CRPPA: variants seen among roughly 807,000 people sequenced by gnomAD.
CRPPA encodes CDP-L-ribitol pyrophosphorylase A, also known as D-ribitol-5-phosphate cytidylyltransferase.
CRPPA carries 43 observed loss-of-function variants against 52.0 expected under a neutral mutation model. The ratio of observed to expected loss-of-function variants is 0.83; its 90% CI spans 0.65 to 1.07. The LOEUF (loss-of-function observed/expected upper bound fraction) is 1.07. Ranked by LOEUF, CRPPA falls within the 50% of genes least tolerant of loss-of-function variation. The pLI is 0.00. For missense variants in CRPPA, 629 were observed against 551.7 expected, an observed-to-expected ratio of 1.14 and a Z score of -1.40; for synonymous variants, 250 against 203.5, an observed-to-expected ratio of 1.23 and a Z score of -1.94.
intron 3 of CRPPA, among the ~76,000 whole-genome samples, chr7:16,325,797 G>A (rs982175497): frequency 6.6e-6 from 1 of 151,926 alleles, no homozygotes; most frequent in Non-Finnish European, 1.5e-5. Flanking sequence ...TGAAACAAAG[G>A]ATTTGATTTT....
chr7:16,336,769 G>C (rs1583529360), intron 3 of CRPPA, among the ~76,000 whole-genome samples: 1 of 151,896 alleles, frequency 6.6e-6, no homozygotes, highest in Non-Finnish European at 1.5e-5. Flanking sequence ...TAAGAACACA[G>C]ACCGAAAATG....
chr7:16,302,304 A>AC (rs1784806599), intron 4 of CRPPA, among the ~76,000 whole-genome samples: 1 of 150,176 alleles, frequency 6.7e-6, no homozygotes, highest in Non-Finnish European at 1.5e-5. Context: ...TCAAAAAAAA[A>AC]AAAAAAAAAA....
At chr7:16,399,451 T>A (rs564909032) in intron 2 of CRPPA, among the ~76,000 whole-genome samples, 1 of 152,020 alleles carries the variant, frequency 6.6e-6, no homozygotes, top group African/African-American at 2.4e-5. Context: ...ATGTCCAACA[T>A]GTGACTGATA....
intron 3 of CRPPA, among the ~76,000 whole-genome samples, chr7:16,312,350 C>A (rs1335585674): frequency 6.6e-6 from 1 of 151,832 alleles, no homozygotes; most frequent in Admixed American, 6.6e-5. Context: ...GATTTATGCC[C>A]AAGTATCATT....
At chr7:16,204,166 T>G (rs1056510802) in intron 9 of CRPPA, among the ~76,000 whole-genome samples, 1 of 152,190 alleles carries the variant, frequency 6.6e-6, no homozygotes, top group African/African-American at 2.4e-5. Context: ...TTTAAATTTT[T>G]AAATGAATTT....
At chr7:16,230,973 C>T (rs1782777568) in intron 8 of CRPPA, among the ~76,000 whole-genome samples, 1 of 152,122 alleles carries the variant, frequency 6.6e-6, no homozygotes, top group Non-Finnish European at 1.5e-5. Context: ...AGACTGAAGC[C>T]TGGGGCTCTG....
chr7:16,421,008 G>GCGGGGAGCGGGAGGC, intron 1 of CRPPA, 58 bp downstream of exon 1: 1 of 1,249,530 alleles, frequency 8.0e-7, no homozygotes, highest in East Asian at 3.2e-5. Context: ...CAGCGGCAGG[G>GCGGGGAGCGGGAGGC]CGGGGAGCGG....
intron 8 of CRPPA, among the ~76,000 whole-genome samples, chr7:16,255,169 C>T (rs1023238133): frequency 1.3e-5 from 2 of 152,144 alleles, no homozygotes; most frequent in Non-Finnish European, 2.9e-5. Context: ...AGAGCCAAAT[C>T]ATGAGTGAAC....
chr7:16,152,317 A>G (rs943464411), intron 9 of CRPPA, among the ~76,000 whole-genome samples: 3 of 151,834 alleles, frequency 2.0e-5, no homozygotes, highest in Non-Finnish European at 4.4e-5. Flanking sequence ...TATACTTTAT[A>G]TGAATTTATA....
intron 1 of CRPPA, among the ~76,000 whole-genome samples, chr7:16,420,819 T>G (rs1254839732): frequency 6.6e-6 from 1 of 152,088 alleles, no homozygotes; most frequent in Non-Finnish European, 1.5e-5. Context: ...ACGACGGGCC[T>G]TCCCCACAAC....
chr7:16,207,940 T>A (rs1375094647), intron 9 of CRPPA, among the ~76,000 whole-genome samples: 1 of 152,208 alleles, frequency 6.6e-6, no homozygotes. Flanking sequence ...TCAAATTGCC[T>A]TCTTTTTGTT....
At chr7:16,398,626 G>A (rs900822537) in intron 2 of CRPPA, among the ~76,000 whole-genome samples, 2 of 152,126 alleles carry the variant, frequency 1.3e-5, no homozygotes, top group Non-Finnish European at 2.9e-5. Context: ...TCACCAACAT[G>A]ACTGACACGT....
At chr7:16,169,206 C>T (rs115277302) in intron 9 of CRPPA, among the ~76,000 whole-genome samples, 1,750 of 152,154 alleles carry the variant, frequency 0.012, 32 homozygotes, top group African/African-American at 0.04. Context: ...TCTTCCTTAA[C>T]CTATAAAAGG....
chr7:16,091,461 T>C lies in CRPPA; in HGVS notation c.*234A>G, dbSNP rs1331490559. On this transcript the variant is annotated 3_prime_UTR_variant, in exon 10 of 10. Coordinates refer to ENST00000407010, the MANE Select transcript of CRPPA (RefSeq NM_001101426.4). ...CATTTGAAGGCTATTATTTTCCACT[T>C]ATCTACTATTTTTTTCTGGTTCAGG... 5.3e-6 allele frequency: 2 copies of C among 375,426 alleles called. No individual in the cohort carries two copies. The highest frequency in any genetic ancestry group is 9.4e-6 in the Non-Finnish European group (2 of 213,188). The allele number at this position is 375,426 out of a possible 1,614,324, so 23.3% of individuals were successfully genotyped here.
Position 16,421,075 on chromosome 7 carries a change from G to C in CRPPA, c.248C>G (p.Ala83Gly). The change falls in exon 1 of 10, where the codon GCC becomes GGC. Residue 83 changes from alanine to glycine, a missense_variant. Ala to Gly is a moderately conservative substitution (Grantham distance 60). Coordinates refer to ENST00000407010, the MANE Select transcript of CRPPA (RefSeq NM_001101426.4). ...CCCGGCGCCGCATTACCTCTCCAGG[G>C]CCTGTAGGGTGTAGCTGATGAGCGG... ...ERPLISYTLQ[A>G]LERVCWIKDI... The C allele has an allele frequency of 7.8e-7, 1 of 1,288,922 alleles. No individual in the cohort carries two copies. The highest frequency in any genetic ancestry group is 9.9e-7 in the Non-Finnish European group (1 of 1,011,382). The allele number at this position is 1,288,922 out of a possible 1,614,324, so 79.8% of individuals were successfully genotyped here. A position where few individuals can be genotyped will look rare whatever the true frequency, so the allele number is the denominator to read the frequency against.
intron 9 of CRPPA, among the ~76,000 whole-genome samples, chr7:16,120,193 C>T (rs756610279): frequency 6.6e-6 from 1 of 152,126 alleles, no homozygotes; most frequent in Non-Finnish European, 1.5e-5. Context: ...TCCTTTAAGC[C>T]CTTCAGGTGT....
chr7:16,119,694 A>G (rs1432381171), intron 9 of CRPPA, among the ~76,000 whole-genome samples: 1 of 152,236 alleles, frequency 6.6e-6, no homozygotes, highest in African/African-American at 2.4e-5. Flanking sequence ...TATATTCACC[A>G]GAAAATATAG....
intron 9 of CRPPA, among the ~76,000 whole-genome samples, chr7:16,118,395 A>G (rs78164671): frequency 2.8e-4 from 42 of 152,294 alleles, no homozygotes; most frequent in African/African-American, 9.6e-4. Context: ...GCTGGCATTG[A>G]GTTAGACTGA....
chr7:16,325,314 C>T (rs1450437876), intron 3 of CRPPA, among the ~76,000 whole-genome samples: 2 of 152,114 alleles, frequency 1.3e-5, no homozygotes, highest in African/African-American at 2.4e-5. Context: ...ATAGATTAGA[C>T]AGATTAAGCA....
Sources: gnomAD v4.1 joint callset for allele counts (sites outside exome capture counted in the v4.1 genomes callset) on GRCh38, gnomAD v4.1.1 for gene constraint, MANE v1.5 for transcripts, NCBI Gene and HGNC (gene_info 2026-07-23, HGNC 2026-07-21) for gene names.